The following JAK2 variants were observed in gnomAD, a reference collection of about 807,000 sequenced individuals.
The protein encoded by JAK2 is tyrosine-protein kinase JAK2.
A neutral mutation model predicts 139.3 loss-of-function variants in JAK2; 86 were observed. That is an observed-to-expected ratio of 0.62 (90% CI 0.52 to 0.74). The LOEUF (loss-of-function observed/expected upper bound fraction) is 0.74. Ranked by LOEUF, JAK2 falls within the 30% of genes least tolerant of loss-of-function variation. JAK2 has a pLI of 0.00. For missense variants in JAK2, 1,421 were observed against 1,360.3 expected (o/e 1.04, Z -0.70); for synonymous variants, 490 against 437.7 (o/e 1.12, Z -1.49).
intron 19 of JAK2, chr9:5,085,909 C>T (rs772354091): frequency 3.3e-4 from 316 of 961,890 alleles, no homozygotes; most frequent in Non-Finnish European, 4.9e-4. Flanking sequence ...CTAATACCCT[C>T]ATACAGACCT....
intron 4 of JAK2, among the ~76,000 whole-genome samples, chr9:5,042,953 C>T (rs974556134): frequency 6.6e-6 from 1 of 152,228 alleles, no homozygotes. Flanking sequence ...GGCACCTGTT[C>T]CCCGAGGCTG....
intron 19 of JAK2, among the ~76,000 whole-genome samples, chr9:5,084,479 A>AGGGAT (rs1819931139): frequency 6.6e-6 from 1 of 152,148 alleles, no homozygotes; most frequent in Non-Finnish European, 1.5e-5. Context: ...TATTCCAAAG[A>AGGGAT]GGGATATATA....
intron 22 of JAK2, among the ~76,000 whole-genome samples, chr9:5,122,364 T>G (rs1425256046): frequency 6.6e-6 from 1 of 152,114 alleles, no homozygotes; most frequent in Non-Finnish European, 1.5e-5. Flanking sequence ...TCACCCCTCT[T>G]CTGGTTAACA....
chr9:5,044,103 G>A (rs921356037), intron 4 of JAK2, among the ~76,000 whole-genome samples: 1 of 152,058 alleles, frequency 6.6e-6, no homozygotes, highest in Non-Finnish European at 1.5e-5. Context: ...GATGTTACTG[G>A]ATTAAGCTAT....
intron 22 of JAK2, among the ~76,000 whole-genome samples, chr9:5,116,903 G>C (rs922995363): frequency 6.6e-6 from 1 of 152,248 alleles, no homozygotes; most frequent in East Asian, 1.9e-4. Context: ...TAAGGTACTG[G>C]GAAAACATAA....
Position 5,123,022 on chromosome 9 carries a change from G to A in JAK2, c.3078G>A (p.Leu1026=), listed in dbSNP as rs761304950. The part of the protein sequence containing the change: ...SPIFWYAPES[L]TESKFSVASD... ...TTTACAGGTATGCTCCAGAATCACT[G>A]ACAGAGAGCAAGTTTTCTGTGGCCT... The change falls in exon 23 of 25, where the codon CTG becomes CTA. Residue 1026 remains leucine (L), a synonymous_variant. Transcript: ENST00000381652. 3.7e-6 allele frequency: 6 copies of A among 1,610,458 alleles called. No individual in the cohort carries two copies. In the East Asian group the frequency reaches 1.1e-4, roughly 30 times the overall value.
At chr9:5,041,610 G>C in intron 4 of JAK2, 1 of 495,800 alleles carries the variant, frequency 2.0e-6, no homozygotes, top group Non-Finnish European at 4.1e-6. Context: ...GCCCGACTGT[G>C]ACTACATGCG....
chr9:4,988,361 A>G (rs1227614704), intron 2 of JAK2, among the ~76,000 whole-genome samples: 1 of 152,266 alleles, frequency 6.6e-6, no homozygotes, highest in Non-Finnish European at 1.5e-5. Flanking sequence ...CAACTACTAC[A>G]TGAAAATGAA....
At position 5,040,334 on chromosome 9, in the gene JAK2, G is replaced by A. The variant is rs140494626; in HGVS notation, c.351-4069G>A. Among the ~76,000 whole-genome samples, 709 of 151,138 alleles carry A rather than the reference G, an allele frequency of 4.7e-3. 6 individuals carry two copies. The highest frequency in any genetic ancestry group is 0.016 in the African/African-American group (663 of 41,228). On this transcript the variant is annotated intron_variant, in intron 4 of 24. Transcript: ENST00000381652. ...AAGTGGATCATAGGCCTATATATGA[G>A]AGCTAAACTTATTAAAACTCCAAGA...
intron 19 of JAK2, chr9:5,085,955 GT>G: frequency 8.9e-7 from 1 of 1,127,160 alleles, no homozygotes; most frequent in Non-Finnish European, 1.4e-6. Context: ...AAGGATCGGT[GT>G]ATTTCTCACC....
In JAK2 at chr9:5,069,059, C is replaced by T. The variant is rs907951717; in HGVS notation, c.1364C>T (p.Thr455Ile). ...NVIEYKHCLI[T>I]KNENEEYNLS... is the part of the protein sequence containing the mutation. ...ATTGAATATAAACACTGTTTGATTACAAAAAATGAGAATGAAGAGTACAAC... is the reference window on the plus strand; with the variant it reads ...ATTGAATATAAACACTGTTTGATTATAAAAAATGAGAATGAAGAGTACAAC... The change falls in exon 11 of 25, where the codon ACA becomes ATA. Residue 455 changes from threonine (T) to isoleucine (I), a missense_variant. Coordinates refer to ENST00000381652, the MANE Select transcript of JAK2 (RefSeq NM_004972.4). The T allele has an allele frequency of 3.7e-6, 6 of 1,600,374 alleles. No individual in the cohort carries two copies. The highest frequency in any genetic ancestry group is 5.1e-6 in the Non-Finnish European group (6 of 1,173,860).
Position 5,054,542 on chromosome 9 carries a change from T to A in JAK2, c.615-21T>A. ...ATTTTTGTTTTGTTTTGTTTTTCTGTATGTGCTTTTTTATCCCTAGCTACA... is the reference window on the plus strand; with the variant it reads ...ATTTTTGTTTTGTTTTGTTTTTCTGAATGTGCTTTTTTATCCCTAGCTACA... On this transcript the variant is annotated intron_variant, in intron 6 of 24. Coordinates refer to ENST00000381652, the MANE Select transcript of JAK2 (RefSeq NM_004972.4). The surrounding 1 kb of genome is among the most constrained non-coding windows in gnomAD (Gnocchi z 4.9). 6.5e-7 allele frequency: 1 copy of A among 1,532,440 alleles called. No individual in the cohort carries two copies. The highest frequency in any genetic ancestry group is 1.4e-5 in the African/African-American group (1 of 71,728). 94.9% of individuals were successfully genotyped at this position (1,532,440 alleles called of 1,614,324 possible).
intron 13 of JAK2, 61 bp downstream of exon 13, chr9:5,072,687 G>A (rs2130547665): frequency 1.6e-6 from 2 of 1,273,236 alleles, no homozygotes; most frequent in South Asian, 2.0e-5. Context: ...GCTCTCATAT[G>A]CATACAACGT....
chr9:5,114,268 T>G (rs911144938), intron 22 of JAK2: 2 of 545,106 alleles, frequency 3.7e-6, no homozygotes, highest in Non-Finnish European at 7.3e-6. Flanking sequence ...GTGGTGGACC[T>G]GGCACCCAGC....
At chr9:5,124,412 C>A (rs1019166262) in intron 23 of JAK2, among the ~76,000 whole-genome samples, 1 of 151,690 alleles carries the variant, frequency 6.6e-6, no homozygotes, top group Non-Finnish European at 1.5e-5. Context: ...GGTCCAGTTT[C>A]ATTCTTCTGC....
chr9:5,103,445 G>T (rs1468774025), intron 22 of JAK2, among the ~76,000 whole-genome samples: 1 of 151,834 alleles, frequency 6.6e-6, no homozygotes, highest in Non-Finnish European at 1.5e-5. Context: ...CCTATAAAGA[G>T]ACTTAGACTC....
intron 6 of JAK2, among the ~76,000 whole-genome samples, chr9:5,051,691 A>G (rs1817425881): frequency 6.6e-6 from 1 of 152,190 alleles, no homozygotes; most frequent in Non-Finnish European, 1.5e-5. Context: ...TATATATTAC[A>G]TACTTCCCAG....
intron 4 of JAK2, among the ~76,000 whole-genome samples, chr9:5,033,320 G>A (rs563031590): frequency 6.6e-6 from 1 of 152,288 alleles, no homozygotes; most frequent in African/African-American, 2.4e-5. Flanking sequence ...CACTCTGCAG[G>A]ATATTATCCA....
In JAK2 at chr9:5,086,247, A is replaced by T. The variant is rs1820103650; in HGVS notation, c.2572-3427A>T. 8 of 557,846 alleles carry T rather than the reference A, an allele frequency of 1.4e-5. No individual in the cohort carries two copies. In the South Asian group the frequency reaches 4.5e-4, roughly 32 times the overall value. The allele number at this position is 557,846 out of a possible 1,614,324, so 34.6% of individuals were successfully genotyped here. A position where few individuals can be genotyped will look rare whatever the true frequency, so the allele number is the denominator to read the frequency against. On this transcript the variant is annotated intron_variant, in intron 19 of 24. Coordinates refer to ENST00000381652, the MANE Select transcript of JAK2 (RefSeq NM_004972.4). ...GTCGGAGTCTGAAAGTCGCGGTAGG[A>T]TGGTGGCTCCGCCTCTGGCCCGCGA...
Sources: gnomAD v4.1 joint callset for allele counts (sites outside exome capture counted in the v4.1 genomes callset) on GRCh38, gnomAD v4.1.1 for gene constraint, Gnocchi (gnomAD v3.1) non-coding constraint, MANE v1.5 for transcripts, NCBI Gene and HGNC (gene_info 2026-07-23, HGNC 2026-07-21) for gene names.